CFAP20DC: variants seen among roughly 807,000 people sequenced by gnomAD.
CFAP20DC encodes the protein CFAP20 domain containing.
CFAP20DC carries 84 observed loss-of-function variants against 101.7 expected under a neutral mutation model. The ratio of observed to expected loss-of-function variants is 0.83; its 90% CI spans 0.69 to 0.99. The LOEUF (loss-of-function observed/expected upper bound fraction) is 0.99, where lower values mean the gene tolerates loss of function less well. Ranked by LOEUF, CFAP20DC falls within the 50% of genes least tolerant of loss-of-function variation. The probability of loss-of-function intolerance (pLI) is 0.00; values close to 1 mark genes in which losing one functional copy is unlikely to be tolerated. For synonymous variants in CFAP20DC, 359 were observed against 351.2 expected, an observed-to-expected ratio of 1.02 and a Z score of -0.25; for missense variants, 1,007 against 970.3, an observed-to-expected ratio of 1.04 and a Z score of -0.50.
chr3:58,934,444 C>A (rs2087218304), intron 5 of CFAP20DC, among the ~76,000 whole-genome samples: 1 of 152,146 alleles, frequency 6.6e-6, no homozygotes, highest in South Asian at 2.1e-4. Flanking sequence ...CATCCTGATA[C>A]CAAAGCTGGG....
At chr3:58,978,855 G>A (rs1309076648) in intron 4 of CFAP20DC, among the ~76,000 whole-genome samples, 1 of 152,036 alleles carries the variant, frequency 6.6e-6, no homozygotes, top group Non-Finnish European at 1.5e-5. Context: ...GACTTCACTA[G>A]AGAAGCACTC....
rs2093815122 is a variant in CFAP20DC, at chr3:59,022,199, C to T, written c.278+17358G>A. 2.6e-5 allele frequency among the ~76,000 whole-genome samples: 4 copies of T among 152,046 alleles called. No homozygotes were observed. In the South Asian group the frequency reaches 6.2e-4, roughly 24 times the overall value. On this transcript the variant is annotated intron_variant, in intron 4 of 16. Coordinates refer to ENST00000482387, the MANE Select transcript of CFAP20DC (RefSeq NM_001394063.1). ...TTATGAAATCATAATTACATGTTCA[C>T]CTTTTTGCAACTCAAGCACTAAAAG...
intron 5 of CFAP20DC, among the ~76,000 whole-genome samples, chr3:58,931,689 T>G (rs2086721232): frequency 1.3e-5 from 2 of 149,624 alleles, no homozygotes; most frequent in South Asian, 2.2e-4. Flanking sequence ...TCTAGCAAAC[T>G]CCAACGGACC....
At chr3:58,853,513 T>C (rs61092169) in intron 12 of CFAP20DC, among the ~76,000 whole-genome samples, 10,814 of 151,824 alleles carry the variant, frequency 0.071, 792 homozygotes, top group African/African-American at 0.19. Flanking sequence ...ATACCAAAGC[T>C]GGGCAGAGAC....
Position 58,812,672 on chromosome 3 carries a change from T to G in CFAP20DC, c.2176-6216A>C, listed in dbSNP as rs566014402. ...TATACATGTGTAACTAACCTGCACA[T>G]TGTGCACATGTACTCTAAAACTTAA... On this transcript the variant is annotated intron_variant, in intron 14 of 16. Coordinates refer to ENST00000482387, the MANE Select transcript of CFAP20DC (RefSeq NM_001394063.1). Among the ~76,000 whole-genome samples the G allele has an allele frequency of 2.4e-4, 36 of 151,758 alleles. 1 individual carries two copies. The highest frequency in any genetic ancestry group is 8.3e-4 in the African/African-American group (34 of 41,188).
intron 16 of CFAP20DC, 116 bp from the exon 17 acceptor site, chr3:58,742,688 G>A (rs2067947163): frequency 3.3e-6 from 2 of 610,648 alleles, no homozygotes; most frequent in Non-Finnish European, 5.4e-6. Context: ...TATGCAGGTA[G>A]AAGGTTTAGG....
At chr3:58,902,390 G>GAGGGA (rs2083224396) in intron 6 of CFAP20DC, among the ~76,000 whole-genome samples, 7 of 152,266 alleles carry the variant, frequency 4.6e-5, no homozygotes, top group African/African-American at 1.7e-4. Flanking sequence ...CACAGCGGGT[G>GAGGGA]AACGATTTTA....
chr3:58,771,127 C>A (rs377705992), intron 15 of CFAP20DC, among the ~76,000 whole-genome samples: 1 of 152,072 alleles, frequency 6.6e-6, no homozygotes, highest in African/African-American at 2.4e-5. Context: ...TGGAAACTGT[C>A]ATTCTCAGCA....
rs1234479509 is a variant in CFAP20DC, at chr3:58,725,000, G to C, written c.198-7372C>G. ...TACTTTGGAGGGGACCACCGAACCA[G>C]TAAACATTTGGGTTATGTTGATATT... On this transcript the variant is annotated intron_variant, in intron 3 of 3. Transcript: ENST00000486145. The surrounding 1 kb of genome is among the most constrained non-coding windows in gnomAD (Gnocchi z 5.6). 6.6e-6 allele frequency among the ~76,000 whole-genome samples: 1 copy of C among 152,168 alleles called. No homozygotes were observed. Among genetic ancestry groups the C allele is most frequent in the African/African-American group, 2.4e-5 (1 of 41,430 alleles).
intron 7 of CFAP20DC, among the ~76,000 whole-genome samples, chr3:58,879,458 G>A (rs2081054173): frequency 6.6e-6 from 1 of 152,186 alleles, no homozygotes; most frequent in Non-Finnish European, 1.5e-5. Flanking sequence ...GGATGATGAT[G>A]ATGATTTATT....
intron 7 of CFAP20DC, among the ~76,000 whole-genome samples, chr3:58,877,623 C>T (rs1403838337): frequency 6.6e-6 from 1 of 152,114 alleles, no homozygotes; most frequent in Admixed American, 6.6e-5. Flanking sequence ...CACCCCAATG[C>T]CTCTTTGTGT....
intron 3 of CFAP20DC, 143 bp downstream of exon 3, chr3:59,046,086 T>C (rs1699837306): frequency 1.7e-5 from 10 of 605,306 alleles, no homozygotes; most frequent in Non-Finnish European, 2.6e-5. Flanking sequence ...CATAGTTAGT[T>C]GCCCTCTAAA....
chr3:58,833,776 C>T (rs759477181), intron 13 of CFAP20DC, among the ~76,000 whole-genome samples: 12 of 152,096 alleles, frequency 7.9e-5, no homozygotes, highest in Non-Finnish European at 1.5e-4. Context: ...CACAAATGTT[C>T]AAAGAAGCAT....
intron 4 of CFAP20DC, among the ~76,000 whole-genome samples, chr3:58,955,689 G>T (rs2090561764): frequency 6.6e-6 from 1 of 151,980 alleles, no homozygotes; most frequent in African/African-American, 2.4e-5. Flanking sequence ...GGTCTCAGAG[G>T]CAGTGAACTG....
At chr3:58,998,673 A>C (rs1257225809) in intron 4 of CFAP20DC, among the ~76,000 whole-genome samples, 1 of 152,198 alleles carries the variant, frequency 6.6e-6, no homozygotes, top group Non-Finnish European at 1.5e-5. Flanking sequence ...GATAGACATT[A>C]GTCAGTGGAA....
chr3:59,006,932 A>G lies in CFAP20DC; in HGVS notation c.278+32625T>C, dbSNP rs2093447921. ...GCCTTGCTTGCTTTCTCAGCGTGGAAGCTTATGGCCTGGGGCAGGTCTGAG... is the reference window on the plus strand; with the variant it reads ...GCCTTGCTTGCTTTCTCAGCGTGGAGGCTTATGGCCTGGGGCAGGTCTGAG... On this transcript the variant is annotated intron_variant, in intron 4 of 16. Transcript: ENST00000482387. This position sits in a 1 kb window ranked among gnomAD's most constrained non-coding sequence, Gnocchi z 4.3. 6.6e-6 allele frequency among the ~76,000 whole-genome samples: 1 copy of G among 152,148 alleles called. No individual in the cohort carries two copies. The highest frequency in any genetic ancestry group is 2.4e-5 in the African/African-American group (1 of 41,428).
intron 14 of CFAP20DC, among the ~76,000 whole-genome samples, chr3:58,810,171 G>C (rs1016839401): frequency 2.0e-5 from 3 of 152,060 alleles, no homozygotes; most frequent in Non-Finnish European, 2.9e-5. Context: ...CCAATCAATA[G>C]AAAAAGAGGG....
chr3:58,845,651 T>TA (rs1333071233), intron 13 of CFAP20DC, among the ~76,000 whole-genome samples: 4 of 152,092 alleles, frequency 2.6e-5, no homozygotes, highest in Non-Finnish European at 5.9e-5. Flanking sequence ...GAATCCTCCC[T>TA]AACTCATTTG....
chr3:58,863,619 C>G lies in CFAP20DC; in HGVS notation c.1532G>C (p.Ser511Thr), dbSNP rs1335585239. ...SFILDLKEDN[S>T]VTSRDTQSED... ...TGATTGGGTGTCTCTGCTTGTCACA[C>G]TGTTATCCTCTTTTAGATCCAAAAT... The change falls in exon 12 of 17, where the codon AGT becomes ACT. Residue 511 changes from serine to threonine, a missense_variant. Coordinates refer to ENST00000482387, the MANE Select transcript of CFAP20DC (RefSeq NM_001394063.1). This position sits in a 1 kb window ranked among gnomAD's most constrained non-coding sequence, Gnocchi z 5.9. The G allele has an allele frequency of 1.2e-6, 2 of 1,614,090 alleles. No homozygotes were observed. The highest frequency in any genetic ancestry group is 1.7e-6 in the Non-Finnish European group (2 of 1,180,042).
Sources: gnomAD v4.1 joint callset for allele counts (sites outside exome capture counted in the v4.1 genomes callset) on GRCh38, gnomAD v4.1.1 for gene constraint, Gnocchi (gnomAD v3.1) non-coding constraint, MANE v1.5 for transcripts, NCBI Gene and HGNC (gene_info 2026-07-23, HGNC 2026-07-21) for gene names.